Variants in TCERG1L observed in about 807,000 individuals in gnomAD.
The protein encoded by TCERG1L is transcription elongation regulator 1 like, also known as transcription elongation regulator 1-like protein.
TCERG1L carries 37 observed loss-of-function variants against 56.3 expected under a neutral mutation model. The ratio of observed to expected loss-of-function variants is 0.66; its 90% CI spans 0.51 to 0.87. The LOEUF is 0.87. Ranked by LOEUF, TCERG1L falls within the 40% of genes least tolerant of loss-of-function variation. The probability of loss-of-function intolerance (pLI) is 0.00; values close to 1 mark genes in which losing one functional copy is unlikely to be tolerated. For synonymous variants in TCERG1L, 324 were observed against 326.3 expected (o/e 0.99, Z 0.08); for missense variants, 799 against 774.2 (o/e 1.03, Z -0.38).
chr10:131,260,525 TATC>T lies in TCERG1L; in HGVS notation c.671-84_671-82del, dbSNP rs1289210148. ...AGATGCCCATCTCGCTACCGCAAGA[TATC>T]AGCCCCCAGAAAACAGGTGAGGGGG... On this transcript the variant is annotated intron_variant, in intron 3 of 11. Transcript: ENST00000368642. This position sits in a 1 kb window ranked among gnomAD's most constrained non-coding sequence, Gnocchi z 5.8. The T allele has an allele frequency of 1.5e-6, 2 of 1,308,670 alleles. No homozygotes were observed. The highest frequency in any genetic ancestry group is 1.5e-5 in the African/African-American group (1 of 64,760). The allele number at this position is 1,308,670 out of a possible 1,614,324, so 81.1% of individuals were successfully genotyped here. A position where few individuals can be genotyped will look rare whatever the true frequency, so the allele number is the denominator to read the frequency against.
intron 9 of TCERG1L, among the ~76,000 whole-genome samples, chr10:131,105,324 C>A (rs912845806): frequency 6.6e-6 from 1 of 152,200 alleles, no homozygotes; most frequent in Non-Finnish European, 1.5e-5. Flanking sequence ...TGTGAAGTCC[C>A]CCTCTCCATG....
chr10:131,129,228 C>G (rs1224993448), intron 8 of TCERG1L, among the ~76,000 whole-genome samples: 1 of 151,992 alleles, frequency 6.6e-6, no homozygotes, highest in Non-Finnish European at 1.5e-5. Context: ...AGAAAACAGT[C>G]AAGGAAATTT....
chr10:131,239,548 T>C (rs1845949391), intron 4 of TCERG1L, among the ~76,000 whole-genome samples: 1 of 152,218 alleles, frequency 6.6e-6, no homozygotes, highest in Non-Finnish European at 1.5e-5. Context: ...CGCTGCACGC[T>C]CCAGGTGTGT....
intron 4 of TCERG1L, among the ~76,000 whole-genome samples, chr10:131,230,739 T>C (rs958644941): frequency 5.9e-5 from 9 of 152,158 alleles, no homozygotes; most frequent in African/African-American, 2.2e-4. Flanking sequence ...GGGCCACGCA[T>C]GGCTACTCAC....
chr10:131,246,136 G>T (rs1322435888), intron 4 of TCERG1L, among the ~76,000 whole-genome samples: 2 of 152,208 alleles, frequency 1.3e-5, no homozygotes, highest in Non-Finnish European at 2.9e-5. Context: ...CTGGAGGGGG[G>T]ATTGCACCTC....
At chr10:131,148,573 CAAAT>C (rs879528048) in intron 6 of TCERG1L, among the ~76,000 whole-genome samples, 30,605 of 151,786 alleles carry the variant, frequency 0.2, 3,424 homozygotes, top group East Asian at 0.34. Context: ...CACATACACA[CAAAT>C]ACAGACACAC....
At chr10:131,152,074 G>A (rs1477687770) in intron 6 of TCERG1L, among the ~76,000 whole-genome samples, 1 of 152,164 alleles carries the variant, frequency 6.6e-6, no homozygotes, top group African/African-American at 2.4e-5. Flanking sequence ...TTACCATGAA[G>A]CTCTCTGACA....
intron 9 of TCERG1L, among the ~76,000 whole-genome samples, chr10:131,114,962 G>A (rs1048730704): frequency 2.0e-5 from 3 of 152,324 alleles, no homozygotes; most frequent in East Asian, 1.9e-4. Context: ...CACAAGGGCC[G>A]TGCAGTCCGA....
intron 4 of TCERG1L, among the ~76,000 whole-genome samples, chr10:131,186,413 T>A (rs1001481625): frequency 1.3e-5 from 2 of 152,128 alleles, no homozygotes; most frequent in African/African-American, 4.8e-5. Context: ...GACATACAGA[T>A]TATCAATCCA....
At chr10:131,231,483 C>A (rs1389593648) in intron 4 of TCERG1L, among the ~76,000 whole-genome samples, 2 of 152,180 alleles carry the variant, frequency 1.3e-5, no homozygotes, top group African/African-American at 4.8e-5. Flanking sequence ...GCATCCCCTG[C>A]AGCTGCCGTG....
chr10:131,132,143 T>C (rs1845624704), intron 8 of TCERG1L, among the ~76,000 whole-genome samples: 1 of 152,276 alleles, frequency 6.6e-6, no homozygotes, highest in East Asian at 1.9e-4. Context: ...ACAGAGGGCA[T>C]GGCTTTGTAA....
In TCERG1L at chr10:131,201,288, C is replaced by T. The variant is rs577076113; in HGVS notation, c.857-34403G>A. Among the ~76,000 whole-genome samples the T allele has an allele frequency of 1.1e-3, 163 of 152,302 alleles. 1 individual carries two copies. Among genetic ancestry groups the T allele is most frequent in the African/African-American group, 3.6e-3 (150 of 41,576 alleles). On this transcript the variant is annotated intron_variant, in intron 4 of 11. Coordinates refer to ENST00000368642, the MANE Select transcript of TCERG1L (RefSeq NM_174937.4). The stretch of plus-strand genomic sequence containing the variant: ...CTTCCCCCAGCTGGGTCCTGCCACA[C>T]CTACAAACACTCCACCACCACCCAC...
At chr10:131,273,421 C>T (rs760106733) in intron 3 of TCERG1L, among the ~76,000 whole-genome samples, 2 of 152,176 alleles carry the variant, frequency 1.3e-5, no homozygotes, top group Admixed American at 6.5e-5. Context: ...GCCAAAGCCC[C>T]GGGCTTTGCT....
Position 131,260,216 on chromosome 10 carries a change from C to G in TCERG1L, c.856+43G>C. The G allele has an allele frequency of 7.5e-7, 1 of 1,330,452 alleles. No homozygotes were observed. 82.4% of individuals were successfully genotyped at this position (1,330,452 alleles called of 1,614,324 possible). A position where few individuals can be genotyped will look rare whatever the true frequency, so the allele number is the denominator to read the frequency against. The stretch of plus-strand genomic sequence containing the variant: ...TCTAACCAGGAAGCCTCCGCGCGCT[C>G]GCTAAGGCAGCACCAGGCGTCGGGA... On this transcript the variant is annotated intron_variant, in intron 4 of 11. Coordinates refer to ENST00000368642, the MANE Select transcript of TCERG1L (RefSeq NM_174937.4). This position sits in a 1 kb window ranked among gnomAD's most constrained non-coding sequence, Gnocchi z 5.8.
chr10:131,158,153 G>A (rs544571881), intron 6 of TCERG1L, among the ~76,000 whole-genome samples: 8 of 152,350 alleles, frequency 5.3e-5, no homozygotes, highest in East Asian at 3.9e-4. Context: ...CCGGCATTCC[G>A]TATGGATTCA....
Position 131,103,780 on chromosome 10 carries a change from T to C in TCERG1L, c.1485+485A>G, listed in dbSNP as rs1185960042. On this transcript the variant is annotated intron_variant, in intron 10 of 11. Coordinates refer to ENST00000368642, the MANE Select transcript of TCERG1L (RefSeq NM_174937.4). The surrounding 1 kb of genome is among the most constrained non-coding windows in gnomAD (Gnocchi z 4.3). ...GTAGAGTCTTTTTAGTTATCAGGTA[T>C]ACAAGTATGAGAACCCTCTCTTCAT... Among the ~76,000 whole-genome samples, 1 of 152,218 alleles carries C rather than the reference T, an allele frequency of 6.6e-6. No individual in the cohort carries two copies. The highest frequency in any genetic ancestry group is 1.5e-5 in the Non-Finnish European group (1 of 68,044).
intron 4 of TCERG1L, among the ~76,000 whole-genome samples, chr10:131,208,854 G>A (rs113268456): frequency 0.021 from 3,145 of 152,134 alleles, 123 homozygotes; most frequent in African/African-American, 0.072. Context: ...TCAGGAGATC[G>A]AGACCATCCT....
At chr10:131,169,447 C>G (rs1189859250) in intron 4 of TCERG1L, among the ~76,000 whole-genome samples, 2 of 152,160 alleles carry the variant, frequency 1.3e-5, no homozygotes, top group Non-Finnish European at 2.9e-5. Context: ...CAGGCCCAAG[C>G]GATGGGACGA....
At chr10:131,208,888 T>C (rs1845581324) in intron 4 of TCERG1L, among the ~76,000 whole-genome samples, 1 of 152,054 alleles carries the variant, frequency 6.6e-6, no homozygotes, top group Non-Finnish European at 1.5e-5. Context: ...AAACCGCGTC[T>C]CTACTAAAAA....
Sources: allele counts gnomAD v4.1 joint callset (sites outside exome capture counted in the v4.1 genomes callset), GRCh38; gene constraint gnomAD v4.1.1; non-coding constraint Gnocchi (gnomAD v3.1); transcripts MANE v1.5; gene names NCBI Gene and HGNC (gene_info 2026-07-23, HGNC 2026-07-21).